The following ADHFE1 variants were observed in gnomAD, a reference collection of about 807,000 sequenced individuals.
The protein encoded by ADHFE1 is hydroxyacid-oxoacid transhydrogenase, mitochondrial.
A neutral mutation model predicts 54.8 loss-of-function variants in ADHFE1; 37 were observed. The ratio of observed to expected loss-of-function variants is 0.68; its 90% CI spans 0.52 to 0.89. The LOEUF (loss-of-function observed/expected upper bound fraction) is 0.89, where lower values mean the gene tolerates loss of function less well. Ranked by LOEUF, ADHFE1 falls within the 40% of genes least tolerant of loss-of-function variation. The probability of loss-of-function intolerance (pLI) is 0.00; values close to 1 mark genes in which losing one functional copy is unlikely to be tolerated. For missense variants in ADHFE1, 601 were observed against 591.2 expected (o/e 1.02, Z -0.17); for synonymous variants, 203 against 229.3 (o/e 0.89, Z 1.04).
intron 8 of ADHFE1, 62 bp downstream of exon 8, chr8:66,449,032 T>C (rs1464492967): frequency 9.2e-6 from 13 of 1,408,034 alleles, no homozygotes. Flanking sequence ...AGTATTTTGT[T>C]GCTCAACGCA....
chr8:66,447,383 T>C, intron 7 of ADHFE1, 42 bp downstream of exon 7: 1 of 1,397,302 alleles, frequency 7.2e-7, no homozygotes, highest in Non-Finnish European at 1.0e-6. Flanking sequence ...ACCTTTCAAC[T>C]CCACACTCTT....
chr8:66,464,455 G>A (rs1025812261), intron 13 of ADHFE1, among the ~76,000 whole-genome samples: 18 of 152,138 alleles, frequency 1.2e-4, no homozygotes, highest in Non-Finnish European at 2.2e-4. Flanking sequence ...TATGAACAAC[G>A]TAACTTGCCA....
At position 66,439,103 on chromosome 8, in the gene ADHFE1, G is replaced by GACTCGCGCCAGCTCTC. The variant is rs1437534176; in HGVS notation, c.60-1052_60-1037dup. 7.2e-6 allele frequency: 6 copies of GACTCGCGCCAGCTCTC among 838,450 alleles called. No homozygotes were observed. In the East Asian group the frequency reaches 6.2e-4, roughly 87 times the overall value. 51.9% of individuals were successfully genotyped at this position (838,450 alleles called of 1,614,324 possible). On this transcript the variant is annotated intron_variant, in intron 1 of 13. Transcript: ENST00000396623. The surrounding 1 kb of genome is among the most constrained non-coding windows in gnomAD (Gnocchi z 4.4). ...TCGGGAACCACTAGATGGCAGCCGCGACTCGCGCCAGCTCTCACTCGCCCC... is the reference window on the plus strand; with the variant it reads ...TCGGGAACCACTAGATGGCAGCCGCGACTCGCGCCAGCTCTCACTCGCGCCAGCTCTCACTCGCCCC...
chr8:66,460,672 G>A (rs1389375914), intron 13 of ADHFE1, among the ~76,000 whole-genome samples: 1 of 152,206 alleles, frequency 6.6e-6, no homozygotes, highest in Non-Finnish European at 1.5e-5. Flanking sequence ...AGCTGTAGCT[G>A]AGGTGAGGCT....
At chr8:66,463,362 T>A (rs1487105794) in intron 13 of ADHFE1, among the ~76,000 whole-genome samples, 1 of 152,242 alleles carries the variant, frequency 6.6e-6, no homozygotes, top group Non-Finnish European at 1.5e-5. Context: ...AGTTCTGTCT[T>A]AAAGTAGGAA....
chr8:66,464,245 C>A (rs1437416692), intron 13 of ADHFE1, among the ~76,000 whole-genome samples: 1 of 152,148 alleles, frequency 6.6e-6, no homozygotes, highest in Non-Finnish European at 1.5e-5. Flanking sequence ...TTTTTTATGG[C>A]AGAGCTGATA....
intron 9 of ADHFE1, among the ~76,000 whole-genome samples, chr8:66,452,411 C>T (rs150995345): frequency 6.6e-6 from 1 of 152,348 alleles, no homozygotes; most frequent in East Asian, 1.9e-4. Context: ...CCCACACTGG[C>T]AGATGTTGGC....
At chr8:66,456,964 C>T in intron 11 of ADHFE1, 69 bp downstream of exon 11, 1 of 1,449,518 alleles carries the variant, frequency 6.9e-7, no homozygotes, top group Non-Finnish European at 9.3e-7. Flanking sequence ...ATATATTTGC[C>T]AATTCTCGCC....
rs1805651052 is a variant in ADHFE1, at chr8:66,439,773, A to G, written c.60-389A>G. On this transcript the variant is annotated intron_variant, in intron 1 of 13. Coordinates refer to ENST00000396623, the MANE Select transcript of ADHFE1 (RefSeq NM_144650.3). The surrounding 1 kb of genome is among the most constrained non-coding windows in gnomAD (Gnocchi z 4.4). ...CATAGGGTAGTAAGTAAGAAGAGGC[A>G]CACAGAGTTAACCTTGGGCCGATTT... The G allele has an allele frequency of 9.6e-7, 1 of 1,040,542 alleles. No individual in the cohort carries two copies. The highest frequency in any genetic ancestry group is 1.2e-6 in the Non-Finnish European group (1 of 865,424). 64.5% of individuals were successfully genotyped at this position (1,040,542 alleles called of 1,614,324 possible).
intron 3 of ADHFE1, among the ~76,000 whole-genome samples, chr8:66,443,989 C>T (rs767758520): frequency 4.6e-5 from 7 of 152,198 alleles, no homozygotes; most frequent in African/African-American, 1.2e-4. Context: ...CACAGTGCCT[C>T]GAACATAGAA....
chr8:66,451,786 G>A (rs1806315021), intron 8 of ADHFE1, among the ~76,000 whole-genome samples, 167 bp from the exon 9 acceptor site: 1 of 152,200 alleles, frequency 6.6e-6, no homozygotes, highest in Non-Finnish European at 1.5e-5. Flanking sequence ...AGTAATGACT[G>A]TTGCAGGCAA....
At chr8:66,435,657 C>T (rs1235637734) in intron 1 of ADHFE1, among the ~76,000 whole-genome samples, 1 of 118,904 alleles carries the variant, frequency 8.4e-6, no homozygotes, top group Non-Finnish European at 1.6e-5. Flanking sequence ...GTCACTTAGG[C>T]TGGAGTGCAG....
intron 8 of ADHFE1, among the ~76,000 whole-genome samples, chr8:66,451,259 G>A (rs1393959354): frequency 1.3e-5 from 2 of 152,176 alleles, no homozygotes; most frequent in African/African-American, 4.8e-5. Context: ...AAGAGAAAAA[G>A]ATCTGCTTTT....
chr8:66,451,363 A>T (rs555301411), intron 8 of ADHFE1, among the ~76,000 whole-genome samples: 1 of 152,192 alleles, frequency 6.6e-6, no homozygotes, highest in African/African-American at 2.4e-5. Flanking sequence ...AACTCATCGA[A>T]TTTTCACAGC....
intron 8 of ADHFE1, 23 bp from the exon 9 acceptor site, chr8:66,451,930 G>C (rs764539789): frequency 1.9e-6 from 3 of 1,612,024 alleles, no homozygotes; most frequent in African/African-American, 1.3e-5. Flanking sequence ...TTCCATCTGT[G>C]TACTTTCAAT....
intron 2 of ADHFE1, 119 bp from the exon 3 acceptor site, chr8:66,442,679 A>G (rs768139103): frequency 3.8e-5 from 34 of 885,996 alleles, no homozygotes; most frequent in Non-Finnish European, 5.5e-5. Flanking sequence ...ACCTGGAAAA[A>G]ATATATTTTT....
chr8:66,453,047 A>G (rs1230143453), intron 9 of ADHFE1, among the ~76,000 whole-genome samples: 3 of 152,198 alleles, frequency 2.0e-5, no homozygotes, highest in Admixed American at 6.5e-5. Context: ...ATACTATTTC[A>G]GGTTTGTGGG....
intron 8 of ADHFE1, among the ~76,000 whole-genome samples, chr8:66,449,257 C>A (rs1049809928): frequency 5.3e-5 from 8 of 151,838 alleles, no homozygotes; most frequent in African/African-American, 1.7e-4. Flanking sequence ...TGTGCAGCAT[C>A]TCAGGGGATA....
Position 66,439,830 on chromosome 8 carries a change from G to A in ADHFE1, c.60-332G>A, listed in dbSNP as rs1420376154. 2.8e-6 allele frequency: 3 copies of A among 1,057,616 alleles called. No homozygotes were observed. 65.5% of individuals were successfully genotyped at this position (1,057,616 alleles called of 1,614,324 possible). A position where few individuals can be genotyped will look rare whatever the true frequency, so the allele number is the denominator to read the frequency against. The stretch of plus-strand genomic sequence containing the variant: ...CGCTCCTAACCCAGTAAGAGCTGGG[G>A]CTTCATGGAGACCAGAGACCCCCAT... On this transcript the variant is annotated intron_variant, in intron 1 of 13. Coordinates refer to ENST00000396623, the MANE Select transcript of ADHFE1 (RefSeq NM_144650.3). This position sits in a 1 kb window ranked among gnomAD's most constrained non-coding sequence, Gnocchi z 4.4.
Sources: gnomAD v4.1 joint callset for allele counts (sites outside exome capture counted in the v4.1 genomes callset) on GRCh38, gnomAD v4.1.1 for gene constraint, Gnocchi (gnomAD v3.1) non-coding constraint, MANE v1.5 for transcripts, NCBI Gene and HGNC (gene_info 2026-07-23, HGNC 2026-07-21) for gene names.